The following FLNC variants were observed in gnomAD, a reference collection of about 807,000 sequenced individuals.
The protein encoded by FLNC is filamin-C.
A neutral mutation model predicts 254.3 loss-of-function variants in FLNC; 91 were observed. The observed-to-expected ratio is 0.36, with a 90% CI of 0.30 to 0.43. The LOEUF (loss-of-function observed/expected upper bound fraction) is 0.43, where lower values mean the gene tolerates loss of function less well. Among genes scored for constraint, FLNC ranks in the 20% least tolerant of loss-of-function variants. FLNC has a pLI of 1.00. For missense variants in FLNC, 2,853 were observed against 3,802.6 expected, an observed-to-expected ratio of 0.75 and a Z score of 6.57; for synonymous variants, 1,430 against 1,577.2, an observed-to-expected ratio of 0.91 and a Z score of 2.21.
rs374233889 is a variant in FLNC, at chr7:128,842,782, G to C, written c.2390-12G>C. 1 of 1,613,090 alleles carries C rather than the reference G, an allele frequency of 6.2e-7. No homozygotes were observed. Among genetic ancestry groups the C allele is most frequent in the Non-Finnish European group, 8.5e-7 (1 of 1,179,860 alleles). On this transcript the variant is annotated splice_polypyrimidine_tract_variant and intron_variant, in intron 15 of 47. Coordinates refer to ENST00000325888, the MANE Select transcript of FLNC (RefSeq NM_001458.5). The surrounding 1 kb of genome is among the most constrained non-coding windows in gnomAD (Gnocchi z 5.4). Reference sequence around the variant, plus strand: ...CTGAGCCCAACTCACAGCAGTGCCCGCTTCTCTGCAGGCGACGTGAGCATC... The same window carrying C: ...CTGAGCCCAACTCACAGCAGTGCCCCCTTCTCTGCAGGCGACGTGAGCATC...
At chr7:128,850,136 TA>T (rs1426090329) in intron 31 of FLNC, 62 bp downstream of exon 31, 1 of 1,336,062 alleles carries the variant, frequency 7.5e-7, no homozygotes, top group African/African-American at 1.4e-5. Context: ...TTCTTCTCTC[TA>T]CTCCTCTGCA....
At chr7:128,846,973 G>T in intron 24 of FLNC, 68 bp downstream of exon 24, 2 of 1,581,434 alleles carry the variant, frequency 1.3e-6, no homozygotes, top group South Asian at 2.2e-5. Context: ...GCCCCACAAG[G>T]GGGAAACTGG....
Position 128,842,825 on chromosome 7 carries a change from A to G in FLNC, c.2421A>G (p.Pro807=), listed in dbSNP as rs1585157908. The change falls in exon 16 of 48, where the codon CCA becomes CCG. Residue 807 remains proline, a synonymous_variant. Transcript: ENST00000325888. The surrounding 1 kb of genome is among the most constrained non-coding windows in gnomAD (Gnocchi z 5.4). ...TGAGCATCGGCATCAAGTGCGCCCC[A>G]GGCGTGGTGGGCCCTGCAGAGGCTG... ...GDVSIGIKCA[P]GVVGPAEADI... is the part of the protein sequence containing the mutation. The G allele has an allele frequency of 2.5e-6, 4 of 1,613,770 alleles. No homozygotes were observed. In the African/African-American group the frequency reaches 5.3e-5, roughly 22 times the overall value.
chr7:128,854,820 C>G lies in FLNC; in HGVS notation c.7043C>G (p.Ser2348Cys). ...CGGGAGGCTGGCGCTGGGGGCCTGT[C>G]CATTGCTGTGGAGGGTCCTAGCAAA... The part of the protein sequence containing the change: ...WTREAGAGGL[S>C]IAVEGPSKAE... Residue 2348 changes from serine to cysteine, a missense_variant, in exon 42 of 48, where the codon TCC becomes TGC. Around this residue, in one of 10 missense-constraint regions of FLNC, gnomAD observed 551 missense variants for 835.0 expected, o/e 0.66. Transcript: ENST00000325888. 2 of 1,614,142 alleles carry G rather than the reference C, an allele frequency of 1.2e-6. No individual in the cohort carries two copies. The highest frequency in any genetic ancestry group is 1.7e-6 in the Non-Finnish European group (2 of 1,180,020).
intron 40 of FLNC, 44 bp from the exon 41 acceptor site, chr7:128,854,369 A>G: frequency 6.2e-7 from 1 of 1,600,504 alleles, no homozygotes; most frequent in Non-Finnish European, 8.5e-7. Context: ...GGCCAGGGCT[A>G]GGAGGAATCC....
intron 42 of FLNC, 112 bp downstream of exon 42, chr7:128,855,024 C>A: frequency 2.4e-6 from 3 of 1,243,258 alleles, no homozygotes; most frequent in South Asian, 1.2e-5. Context: ...CTCCCCGGAG[C>A]CCCCTGCTCT....
chr7:128,844,321 G>C, intron 20 of FLNC, 55 bp downstream of exon 20: 2 of 1,552,104 alleles, frequency 1.3e-6, no homozygotes, highest in East Asian at 2.3e-5. Context: ...TGGGAAGATA[G>C]ATGAGTCATA....
At chr7:128,855,009 C>A in intron 42 of FLNC, 97 bp downstream of exon 42, 2 of 1,376,342 alleles carry the variant, frequency 1.5e-6, no homozygotes, top group South Asian at 1.2e-5. Flanking sequence ...GGCCACAGAA[C>A]TCCCCTCCCC....
At chr7:128,839,919 C>T (rs1409764638) in intron 8 of FLNC, 104 bp from the exon 9 acceptor site, 8 of 1,463,102 alleles carry the variant, frequency 5.5e-6, no homozygotes, top group African/African-American at 4.2e-5. Flanking sequence ...CCGTGGGCCA[C>T]TGCCTGTGCC....
At position 128,858,667 on chromosome 7, in the gene FLNC, G is replaced by C. The variant is rs1809177212; in HGVS notation, c.*144G>C. The C allele has an allele frequency of 1.6e-5, 11 of 701,538 alleles. No homozygotes were observed. In the South Asian group the frequency reaches 1.9e-4, roughly 12 times the overall value. 43.5% of individuals were successfully genotyped at this position (701,538 alleles called of 1,614,324 possible). ...CACCTGCCTTGGGGGTGAAGTGAAG[G>C]CCCAGCCTCCCCACCCCACCGCGCC... On this transcript the variant is annotated 3_prime_UTR_variant, in exon 48 of 48. Coordinates refer to ENST00000325888, the MANE Select transcript of FLNC (RefSeq NM_001458.5). This position sits in a 1 kb window ranked among gnomAD's most constrained non-coding sequence, Gnocchi z 6.7.
intron 1 of FLNC, among the ~76,000 whole-genome samples, chr7:128,833,639 C>T (rs1807980810): frequency 6.6e-6 from 1 of 152,186 alleles, no homozygotes; most frequent in African/African-American, 2.4e-5. Flanking sequence ...ACCCCTGCAG[C>T]CTCAAGGCTT....
At position 128,836,923 on chromosome 7, in the gene FLNC, G is replaced by T. The variant is rs543216934; in HGVS notation, c.602-237G>T. On this transcript the variant is annotated intron_variant, in intron 2 of 47. Transcript: ENST00000325888. This position sits in a 1 kb window ranked among gnomAD's most constrained non-coding sequence, Gnocchi z 6.0. The stretch of plus-strand genomic sequence containing the variant: ...AGGCCGGCCAGCAGGGCTGGTGCCA[G>T]GCTGCGTCAGCCAGGGCAGAAAGGC... Among the ~76,000 whole-genome samples, 2 of 152,346 alleles carry T rather than the reference G, an allele frequency of 1.3e-5. No individual in the cohort carries two copies. Among genetic ancestry groups the T allele is most frequent in the South Asian group, 4.1e-4 (2 of 4,824 alleles).
chr7:128,833,767 T>C (rs1807986115), intron 1 of FLNC, among the ~76,000 whole-genome samples: 1 of 152,158 alleles, frequency 6.6e-6, no homozygotes, highest in African/African-American at 2.4e-5. Context: ...GTGAAAGTGT[T>C]GGAGCCTGTG....
chr7:128,857,159 T>C lies in FLNC; in HGVS notation c.7603T>C (p.Ser2535Pro). ...CATCGTGAACACCCTGAATGCCGGC[T>C]CGGGGGCCTTGTCTGTCACCATTGA... is the stretch of plus-strand genomic sequence containing the variant. ...EFIVNTLNAGSGALSVTIDGP... is the reference protein window; with the variant it reads ...EFIVNTLNAGPGALSVTIDGP... Residue 2535 changes from serine (S) to proline (P), a missense_variant, in exon 46 of 48, where the codon TCG becomes CCG. This residue lies in a region of FLNC where 197 missense variants were observed against 351.5 expected (regional missense o/e 0.56). Coordinates refer to ENST00000325888, the MANE Select transcript of FLNC (RefSeq NM_001458.5). The surrounding 1 kb of genome is among the most constrained non-coding windows in gnomAD (Gnocchi z 4.5). 1 of 1,614,114 alleles carries C rather than the reference T, an allele frequency of 6.2e-7. No homozygotes were observed.
Position 128,838,779 on chromosome 7 carries a change from C to A in FLNC, c.1387C>A (p.Pro463Thr). The A allele has an allele frequency of 1.9e-6, 3 of 1,612,930 alleles. No homozygotes were observed. The highest frequency in any genetic ancestry group is 1.1e-5 in the South Asian group (1 of 91,082). ...TGCGGGTGCCCCCATCACCCGCAGT[C>A]CCTTCCCTGTCCATGTGTCGGAAGG... ...AFAGAPITRS[P>T]FPVHVSEACN... The change falls in exon 8 of 48, where the codon CCC (proline) becomes ACC (threonine). Residue 463 changes from proline (P) to threonine (T), a missense_variant. Around this residue, in one of 10 missense-constraint regions of FLNC, gnomAD observed 1,573 missense variants for 1,883.5 expected, o/e 0.84. Coordinates refer to ENST00000325888, the MANE Select transcript of FLNC (RefSeq NM_001458.5).
Position 128,835,603 on chromosome 7 carries a change from G to T in FLNC, c.601+29G>T, listed in dbSNP as rs371333564. On this transcript the variant is annotated intron_variant, in intron 2 of 47. Coordinates refer to ENST00000325888, the MANE Select transcript of FLNC (RefSeq NM_001458.5). The surrounding 1 kb of genome is among the most constrained non-coding windows in gnomAD (Gnocchi z 5.3). ...AGTGGGCCAGTGAGCACAGCATGGAGCCCTTAGCTCCCAAAGACAGAGGGG... is the reference window on the plus strand; with the variant it reads ...AGTGGGCCAGTGAGCACAGCATGGATCCCTTAGCTCCCAAAGACAGAGGGG... The T allele has an allele frequency of 6.8e-6, 11 of 1,610,294 alleles. No homozygotes were observed. The highest frequency in any genetic ancestry group is 8.5e-6 in the Non-Finnish European group (10 of 1,179,118).
chr7:128,853,882 G>C, intron 39 of FLNC, 45 bp downstream of exon 39: 1 of 1,613,028 alleles, frequency 6.2e-7, no homozygotes, highest in Non-Finnish European at 8.5e-7. Context: ...GTGGGAGAGG[G>C]CTGGCCCGGG....
At position 128,854,936 on chromosome 7, in the gene FLNC, G is replaced by A. The variant is rs11982028; in HGVS notation, c.7135+24G>A. ...AGGTGGGCGTCCACACTGGCAGTGGGGCTGGGCCTGCCTGACCTTCCAGAC... is the reference window on the plus strand; with the variant it reads ...AGGTGGGCGTCCACACTGGCAGTGGAGCTGGGCCTGCCTGACCTTCCAGAC... On this transcript the variant is annotated intron_variant, in intron 42 of 47. Coordinates refer to ENST00000325888, the MANE Select transcript of FLNC (RefSeq NM_001458.5). 13,432 of 1,612,948 alleles carry A rather than the reference G, an allele frequency of 8.3e-3. 1,004 individuals carry two copies. The African/African-American group carries it at 0.16, about 19-fold the overall frequency.
chr7:128,846,648 G>A lies in FLNC; in HGVS notation c.4128-97G>A, dbSNP rs533087714. The A allele has an allele frequency of 1.9e-4, 262 of 1,402,346 alleles. 4 individuals are homozygous for A. In the South Asian group the frequency reaches 3.1e-3, roughly 17 times the overall value. 86.9% of individuals were successfully genotyped at this position (1,402,346 alleles called of 1,614,324 possible). On this transcript the variant is annotated intron_variant, in intron 23 of 47. Coordinates refer to ENST00000325888, the MANE Select transcript of FLNC (RefSeq NM_001458.5). ...TCGTTTCTCCTCAGCTGGGTCCCCA[G>A]CGGCCTGCCCTCTTTCCTCCCTGTC...
Sources: allele counts gnomAD v4.1 joint callset (sites outside exome capture counted in the v4.1 genomes callset), GRCh38; gene constraint gnomAD v4.1.1; regional missense constraint gnomAD v4.1.1; non-coding constraint Gnocchi (gnomAD v3.1); transcripts MANE v1.5; gene names NCBI Gene and HGNC (gene_info 2026-07-23, HGNC 2026-07-21).